The following STMN2 variants were observed in gnomAD, a reference collection of about 807,000 sequenced individuals.
The protein encoded by STMN2 is stathmin-2.
A neutral mutation model predicts 24.1 loss-of-function variants in STMN2; 2 were observed. The observed-to-expected ratio is 0.08, with a 90% CI of 0.03 to 0.26. STMN2 has a LOEUF of 0.26. STMN2 is among the 10% of genes least tolerant of loss of function. STMN2 has a pLI of 1.00. For synonymous variants in STMN2, 83 were observed against 77.5 expected (o/e 1.07, Z -0.37); for missense variants, 114 against 213.6 (o/e 0.53, Z 2.91).
intron 1 of STMN2, among the ~76,000 whole-genome samples, chr8:79,616,729 C>T (rs1299556999): frequency 1.3e-5 from 2 of 152,174 alleles, no homozygotes; most frequent in Non-Finnish European, 2.9e-5. Context: ...CTTCCGAACT[C>T]ATATACCTGG....
At chr8:79,635,997 G>T (rs761850245) in intron 1 of STMN2, among the ~76,000 whole-genome samples, 1 of 152,102 alleles carries the variant, frequency 6.6e-6, no homozygotes, top group African/African-American at 2.4e-5. Flanking sequence ...TGGGTGGATT[G>T]CTTGAGCCCG....
intron 4 of STMN2, among the ~76,000 whole-genome samples, chr8:79,663,954 A>C (rs910004608): frequency 2.0e-5 from 3 of 152,178 alleles, no homozygotes; most frequent in Non-Finnish European, 4.4e-5. Flanking sequence ...TGCTATCTGC[A>C]AAGCACTCTG....
intron 3 of STMN2, among the ~76,000 whole-genome samples, chr8:79,645,670 G>A (rs1810201923): frequency 7.3e-6 from 1 of 136,306 alleles, no homozygotes; most frequent in Non-Finnish European, 1.7e-5. Context: ...ACTAATGCAA[G>A]TGTGAAGTTT....
chr8:79,650,386 T>C (rs1229652565), intron 3 of STMN2, among the ~76,000 whole-genome samples: 1 of 152,240 alleles, frequency 6.6e-6, no homozygotes, highest in Non-Finnish European at 1.5e-5. Flanking sequence ...GTGAGAACTT[T>C]ACTTCTCTGC....
chr8:79,630,024 T>C (rs1809762174), intron 1 of STMN2, among the ~76,000 whole-genome samples: 1 of 152,196 alleles, frequency 6.6e-6, no homozygotes, highest in Non-Finnish European at 1.5e-5. Flanking sequence ...ATAGAGGAAT[T>C]AAATCATGAT....
intron 1 of STMN2, chr8:79,613,806 T>C: frequency 5.1e-6 from 5 of 985,380 alleles, no homozygotes; most frequent in Non-Finnish European, 6.0e-6. Context: ...AGCAAATATA[T>C]TTTTGCTTCC....
chr8:79,649,667 C>G (rs1321201117), intron 3 of STMN2, among the ~76,000 whole-genome samples: 1 of 151,884 alleles, frequency 6.6e-6, no homozygotes, highest in African/African-American at 2.4e-5. Context: ...AATATATCCC[C>G]CAAATAATGA....
At chr8:79,631,400 C>T (rs1809799547) in intron 1 of STMN2, 1 of 983,052 alleles carries the variant, frequency 1.0e-6, no homozygotes, top group Non-Finnish European at 1.2e-6. Flanking sequence ...TCAAAACCTC[C>T]CTGGCTTAGA....
intron 1 of STMN2, among the ~76,000 whole-genome samples, chr8:79,633,129 T>C (rs965228898): frequency 6.6e-6 from 1 of 152,230 alleles, no homozygotes; most frequent in Non-Finnish European, 1.5e-5. Flanking sequence ...TCTGGGGAGT[T>C]TGGGCAACTG....
At chr8:79,651,924 T>C (rs561612213) in intron 3 of STMN2, among the ~76,000 whole-genome samples, 3 of 152,098 alleles carry the variant, frequency 2.0e-5, no homozygotes, top group Non-Finnish European at 4.4e-5. Flanking sequence ...AAAGTGGCCA[T>C]TAAAAATCCA....
chr8:79,635,919 A>C (rs1809937986), intron 1 of STMN2, among the ~76,000 whole-genome samples: 1 of 152,124 alleles, frequency 6.6e-6, no homozygotes, highest in African/African-American at 2.4e-5. Flanking sequence ...TTAAAAAAAA[A>C]AGAAAGAAAG....
intron 1 of STMN2, among the ~76,000 whole-genome samples, chr8:79,635,975 G>T (rs1410391163): frequency 6.6e-6 from 1 of 152,148 alleles, no homozygotes; most frequent in Non-Finnish European, 1.5e-5. Flanking sequence ...CCAGCACTTT[G>T]GGTGGCCAAG....
chr8:79,611,164 T>C lies in STMN2; in HGVS notation c.-32T>C. ...GCTGCTGTAGCCGGACCCTTTGCCT[T>C]CGCCACTGCTCAGCGTCTGCACATC... On this transcript the variant is annotated 5_prime_UTR_variant, in exon 1 of 5. Transcript: ENST00000220876. The C allele has an allele frequency of 6.2e-7, 1 of 1,613,994 alleles. No individual in the cohort carries two copies. The highest frequency in any genetic ancestry group is 1.1e-5 in the South Asian group (1 of 91,050).
chr8:79,651,531 G>A (rs940740571), intron 3 of STMN2, among the ~76,000 whole-genome samples: 1 of 152,198 alleles, frequency 6.6e-6, no homozygotes, highest in Non-Finnish European at 1.5e-5. Context: ...TGGTGTTGCT[G>A]TATTACCTTG....
At chr8:79,624,475 AAAAG>A (rs780062937) in intron 1 of STMN2, among the ~76,000 whole-genome samples, 9,564 of 139,912 alleles carry the variant, frequency 0.068, 487 homozygotes, top group Non-Finnish European at 0.11. Flanking sequence ...AAAAAAAAAA[AAAAG>A]AAAGAAAGAA....
At chr8:79,624,658 C>G (rs1389627434) in intron 1 of STMN2, among the ~76,000 whole-genome samples, 1 of 152,056 alleles carries the variant, frequency 6.6e-6, no homozygotes, top group African/African-American at 2.4e-5. Flanking sequence ...CATTTCATCC[C>G]TTTGGATAAA....
At chr8:79,636,743 A>T in intron 1 of STMN2, 59 bp from the exon 2 acceptor site, 2 of 1,457,006 alleles carry the variant, frequency 1.4e-6, no homozygotes, top group Non-Finnish European at 1.9e-6. Flanking sequence ...AATTAAAGGA[A>T]GCAGTAAAGA....
At chr8:79,643,093 T>C (rs941935600) in intron 3 of STMN2, among the ~76,000 whole-genome samples, 2 of 147,630 alleles carry the variant, frequency 1.4e-5, no homozygotes, top group African/African-American at 4.9e-5. Flanking sequence ...TATATATTAA[T>C]ATTGGTATAT....
intron 2 of STMN2, among the ~76,000 whole-genome samples, chr8:79,641,120 G>A (rs2029821): frequency 1.3e-5 from 2 of 152,026 alleles, no homozygotes; most frequent in African/African-American, 2.4e-5. Context: ...TATGCTTACC[G>A]TTATTCAACT....
Sources: allele counts gnomAD v4.1 joint callset (sites outside exome capture counted in the v4.1 genomes callset), GRCh38; gene constraint gnomAD v4.1.1; transcripts MANE v1.5; gene names NCBI Gene and HGNC (gene_info 2026-07-23, HGNC 2026-07-21).